The following SCAF4 variants were observed in gnomAD, a reference collection of about 807,000 sequenced individuals.
SCAF4 encodes SR-related and CTD-associated factor 4.
A neutral mutation model predicts 129.8 loss-of-function variants in SCAF4; 25 were observed. The ratio of observed to expected loss-of-function variants is 0.19; its 90% confidence interval spans 0.14 to 0.27. SCAF4 has a LOEUF of 0.27. Ranked by LOEUF, SCAF4 falls within the 10% of genes least tolerant of loss-of-function variation. The pLI is 1.00. For missense variants in SCAF4, 1,246 were observed against 1,457.1 expected, an observed-to-expected ratio of 0.86 and a Z score of 2.36; for synonymous variants, 551 against 497.7, an observed-to-expected ratio of 1.11 and a Z score of -1.43.
intron 1 of SCAF4, among the ~76,000 whole-genome samples, chr21:31,710,005 G>A (rs1001714173): frequency 6.6e-6 from 1 of 151,810 alleles, no homozygotes; most frequent in Admixed American, 6.6e-5. Context: ...TTTGTGCAGA[G>A]ACCATTAACT....
At chr21:31,722,046 A>C (rs1487292323) in intron 1 of SCAF4, among the ~76,000 whole-genome samples, 1 of 152,178 alleles carries the variant, frequency 6.6e-6, no homozygotes, top group Non-Finnish European at 1.5e-5. Flanking sequence ...TAAAAAACCC[A>C]GGGATAAAAT....
chr21:31,727,185 TCTC>T (rs879354253), intron 1 of SCAF4, among the ~76,000 whole-genome samples: 4 of 152,074 alleles, frequency 2.6e-5, no homozygotes, highest in Admixed American at 2.0e-4. Flanking sequence ...TTCAAACAAT[TCTC>T]CTACTTCAGC....
chr21:31,696,462 C>A, intron 8 of SCAF4, 107 bp downstream of exon 8: 1 of 1,182,880 alleles, frequency 8.5e-7, no homozygotes, highest in Non-Finnish European at 1.1e-6. Flanking sequence ...ACAAATTTTA[C>A]AAAACAACTT....
In SCAF4 at chr21:31,671,567, G is replaced by C; in HGVS notation, c.3276C>G (p.Thr1092=). The change falls in exon 20 of 20, where the codon ACC becomes ACG. Residue 1092 remains threonine, a synonymous_variant. Coordinates refer to ENST00000286835, the MANE Select transcript of SCAF4 (RefSeq NM_020706.2). ...EVTDRAGGNK[T]VEPPISQVGN... is the part of the protein sequence containing the mutation. ...CCACTTGGCTAATGGGAGGTTCAAC[G>C]GTTTTGTTACCACCTGCCCTGTCTG... 6.2e-7 allele frequency: 1 copy of C among 1,614,086 alleles called. No individual in the cohort carries two copies. The highest frequency in any genetic ancestry group is 1.1e-5 in the South Asian group (1 of 91,074).
intron 19 of SCAF4, among the ~76,000 whole-genome samples, chr21:31,678,392 C>G (rs1259054945): frequency 6.6e-6 from 1 of 152,118 alleles, no homozygotes; most frequent in African/African-American, 2.4e-5. Context: ...AACCACTTAT[C>G]ACCTCCATTG....
At chr21:31,727,368 G>A (rs1354287736) in intron 1 of SCAF4, among the ~76,000 whole-genome samples, 1 of 152,126 alleles carries the variant, frequency 6.6e-6, no homozygotes, top group Non-Finnish European at 1.5e-5. Flanking sequence ...GTAAGCCACC[G>A]TGCCTGGACT....
chr21:31,688,581 G>A, intron 15 of SCAF4, 117 bp from the exon 16 acceptor site: 1 of 782,476 alleles, frequency 1.3e-6, no homozygotes, highest in Non-Finnish European at 2.1e-6. Context: ...AAATTCCCAT[G>A]CTAATTTTAG....
chr21:31,687,050 A>T (rs2050142923), intron 16 of SCAF4, among the ~76,000 whole-genome samples: 1 of 152,216 alleles, frequency 6.6e-6, no homozygotes, highest in African/African-American at 2.4e-5. Context: ...GAGTTTGCCA[A>T]CTAGGGGAGT....
rs564939214 is a variant in SCAF4 at position 31,722,753 on chromosome 21, G to T, written c.30+8910C>A. Among the ~76,000 whole-genome samples, 9 of 152,188 alleles carry T rather than the reference G, an allele frequency of 5.9e-5. No homozygotes were observed. The South Asian group carries it at 6.2e-4, about 11-fold the overall frequency. On this transcript the variant is annotated intron_variant, in intron 1 of 19. Coordinates refer to ENST00000286835, the MANE Select transcript of SCAF4 (RefSeq NM_020706.2). Reference sequence around the variant, plus strand: ...GGTGGATCACGAGGTCCAAGTTCAGGACCAGCCTGGCCAACATTGAGAAAC... The same window carrying T: ...GGTGGATCACGAGGTCCAAGTTCAGTACCAGCCTGGCCAACATTGAGAAAC...
At chr21:31,686,621 C>T (rs2050132586) in intron 16 of SCAF4, among the ~76,000 whole-genome samples, 2 of 151,786 alleles carry the variant, frequency 1.3e-5, no homozygotes. Flanking sequence ...TAAATTTTAA[C>T]AACCCCCCCA....
In SCAF4 at chr21:31,690,929, T is replaced by C. The variant is rs1330030521; in HGVS notation, c.1753A>G (p.Ile585Val). The C allele has an allele frequency of 2.5e-6, 4 of 1,611,352 alleles. No individual in the cohort carries two copies. Among genetic ancestry groups the C allele is most frequent in the Non-Finnish European group, 3.4e-6 (4 of 1,178,902 alleles). Residue 585 changes from isoleucine (I) to valine (V), a missense_variant, in exon 15 of 20, where the codon ATA becomes GTA. Ile to Val is a conservative substitution (Grantham distance 29). Transcript: ENST00000286835. ...IKIAWALNKG[I>V]KADYKQYWDV... Reference sequence around the variant, plus strand: ...CAATACTGCTTATAATCTGCCTTTATTCCTTTGTTTAAGGCCCAGGCAATC... The same window carrying C: ...CAATACTGCTTATAATCTGCCTTTACTCCTTTGTTTAAGGCCCAGGCAATC...
At chr21:31,719,769 G>T (rs1259171686) in intron 1 of SCAF4, among the ~76,000 whole-genome samples, 1 of 152,148 alleles carries the variant, frequency 6.6e-6, no homozygotes, top group Non-Finnish European at 1.5e-5. Flanking sequence ...CTCCCAAAGT[G>T]CTGGGATTAC....
chr21:31,712,410 G>T (rs557764422), intron 1 of SCAF4, among the ~76,000 whole-genome samples: 1 of 151,486 alleles, frequency 6.6e-6, no homozygotes, highest in East Asian at 1.9e-4. Context: ...TAGAGATGGG[G>T]TTTTGCCATG....
At chr21:31,727,866 A>G (rs767791383) in intron 1 of SCAF4, among the ~76,000 whole-genome samples, 1 of 152,178 alleles carries the variant, frequency 6.6e-6, no homozygotes, top group Non-Finnish European at 1.5e-5. Flanking sequence ...AAGTATATAA[A>G]CTATACAACA....
intron 19 of SCAF4, among the ~76,000 whole-genome samples, chr21:31,678,647 T>C (rs1028993519): frequency 1.4e-4 from 21 of 152,166 alleles, no homozygotes; most frequent in African/African-American, 5.1e-4. Context: ...TTGCTCTCCC[T>C]TCCTGCTGTG....
At chr21:31,709,850 TAC>T (rs2050758232) in intron 1 of SCAF4, among the ~76,000 whole-genome samples, 3 of 143,628 alleles carry the variant, frequency 2.1e-5, no homozygotes, top group Non-Finnish European at 4.5e-5. Context: ...TTTGAGATGA[TAC>T]TTAAAAAAAA....
intron 9 of SCAF4, among the ~76,000 whole-genome samples, chr21:31,695,464 G>A (rs1019689619): frequency 2.4e-4 from 36 of 152,106 alleles, no homozygotes; most frequent in Middle Eastern, 3.4e-3. Context: ...TAATAATAAT[G>A]AAAGTAAACT....
intron 1 of SCAF4, among the ~76,000 whole-genome samples, chr21:31,728,092 A>G (rs1319659609): frequency 6.6e-6 from 1 of 152,042 alleles, no homozygotes; most frequent in East Asian, 1.9e-4. Context: ...TCTTATCCAT[A>G]ATTTTGCTTC....
chr21:31,676,984 G>A (rs1012956142), intron 19 of SCAF4, among the ~76,000 whole-genome samples: 2 of 151,944 alleles, frequency 1.3e-5, no homozygotes, highest in South Asian at 2.1e-4. Flanking sequence ...TTTGCTTGGC[G>A]TATCTTCTCA....
Sources: gnomAD v4.1 joint callset for allele counts (sites outside exome capture counted in the v4.1 genomes callset) on GRCh38, gnomAD v4.1.1 for gene constraint, MANE v1.5 for transcripts, NCBI Gene and HGNC (gene_info 2026-07-23, HGNC 2026-07-21) for gene names.